PTPRN2: variants seen among roughly 807,000 people sequenced by gnomAD.
The protein encoded by PTPRN2 is receptor-type tyrosine-protein phosphatase N2.
In PTPRN2, 74 loss-of-function variants were observed where a neutral mutation model predicts 118.8. The observed-to-expected ratio is 0.62, with a 90% CI of 0.52 to 0.76. PTPRN2 has a LOEUF of 0.76. PTPRN2 is among the 30% of genes least tolerant of loss of function. The pLI is 0.00. For synonymous variants in PTPRN2, 641 were observed against 608.0 expected, an observed-to-expected ratio of 1.05 and a Z score of -0.80; for missense variants, 1,481 against 1,394.4, an observed-to-expected ratio of 1.06 and a Z score of -0.99.
At position 158,071,407 on chromosome 7, in the gene PTPRN2, A is replaced by AG. The variant is rs1187158161; in HGVS notation, c.1723+9890dup. Among the ~76,000 whole-genome samples the AG allele has an allele frequency of 7.0e-4, 31 of 44,308 alleles. 2 individuals are homozygous for AG. The highest frequency in any genetic ancestry group is 2.3e-3 in the South Asian group (3 of 1,282). The allele number at this position is 44,308 out of a possible 152,430, so 29.1% of individuals were successfully genotyped here. Reference sequence around the variant, plus strand: ...CTCGTGGTGGAGGTGCTCGTGGTGGAGTTGCTCCTGGTGGTGGAGGTGCTC... The same window carrying AG: ...CTCGTGGTGGAGGTGCTCGTGGTGGAGGTTGCTCCTGGTGGTGGAGGTGCTC... On this transcript the variant is annotated intron_variant, in intron 11 of 22. Coordinates refer to ENST00000389418, the MANE Select transcript of PTPRN2 (RefSeq NM_002847.5).
chr7:158,420,182 T>C (rs1210489966), intron 2 of PTPRN2, among the ~76,000 whole-genome samples: 1 of 152,052 alleles, frequency 6.6e-6, no homozygotes, highest in Non-Finnish European at 1.5e-5. Context: ...GCAGGACACA[T>C]TGTCTCACGG....
rs1430041963 is a variant in PTPRN2, at chr7:158,361,317, CACCCTCACCTGGGACGACTCACAAACCCT to C, written c.164-44414_164-44386del. Among the ~76,000 whole-genome samples, 677 of 80,472 alleles carry C rather than the reference CACCCTCACCTGGGACGACTCACAAACCCT, an allele frequency of 8.4e-3. 326 individuals carry two copies. The highest frequency in any genetic ancestry group is 0.018 in the African/African-American group (358 of 20,316). The allele number at this position is 80,472 out of a possible 152,430, so 52.8% of individuals were successfully genotyped here. A position where few individuals can be genotyped will look rare whatever the true frequency, so the allele number is the denominator to read the frequency against. On this transcript the variant is annotated intron_variant, in intron 2 of 22. Coordinates refer to ENST00000389418, the MANE Select transcript of PTPRN2 (RefSeq NM_002847.5). ...CCTGGCAACCCACAGACCCCGTGTC[CACCCTCACCTGGGACGACTCACAAACCCT>C]ACGTCCACCCTCCCCCAGGATGACC... is the stretch of plus-strand genomic sequence containing the variant.
At chr7:158,314,892 T>G (rs375005218) in intron 3 of PTPRN2, among the ~76,000 whole-genome samples, 523 of 78,190 alleles carry the variant, frequency 6.7e-3, no homozygotes, top group Middle Eastern at 0.043. Flanking sequence ...GGGACCCCCT[T>G]AAGGACAGAG....
At position 158,015,454 on chromosome 7, in the gene PTPRN2, TGA is replaced by T. The variant is rs147111668; in HGVS notation, c.1723+65842_1723+65843del. 3.2e-4 allele frequency among the ~76,000 whole-genome samples: 41 copies of T among 127,164 alleles called. No individual in the cohort carries two copies. Among genetic ancestry groups the T allele is most frequent in the Middle Eastern group, 3.9e-3 (1 of 258 alleles). 83.4% of individuals were successfully genotyped at this position (127,164 alleles called of 152,430 possible). A position where few individuals can be genotyped will look rare whatever the true frequency, so the allele number is the denominator to read the frequency against. On this transcript the variant is annotated intron_variant, in intron 11 of 22. Coordinates refer to ENST00000389418, the MANE Select transcript of PTPRN2 (RefSeq NM_002847.5). The surrounding 1 kb of genome is among the most constrained non-coding windows in gnomAD (Gnocchi z 4.2). ...AGGGAAAAAGTGAGAGGAGGGGTGG[TGA>T]GAGAGAGAGAGAGAGGAAGAGAGGG... is the stretch of plus-strand genomic sequence containing the variant.
intron 10 of PTPRN2, among the ~76,000 whole-genome samples, chr7:158,092,216 A>ATG (rs1281422219): frequency 6.6e-6 from 1 of 151,278 alleles, no homozygotes; most frequent in Non-Finnish European, 1.5e-5. Context: ...ATATATATAT[A>ATG]TACACACATA....
At chr7:158,142,524 G>A (rs938044437) in intron 6 of PTPRN2, among the ~76,000 whole-genome samples, 20 of 152,176 alleles carry the variant, frequency 1.3e-4, no homozygotes, top group African/African-American at 4.3e-4. Flanking sequence ...GTTTAAAACA[G>A]AAGAAGGGAA....
chr7:158,305,080 G>A (rs1020546649), intron 3 of PTPRN2, among the ~76,000 whole-genome samples: 26 of 152,286 alleles, frequency 1.7e-4, no homozygotes, highest in Admixed American at 5.9e-4. Context: ...CAATGTTAAC[G>A]CTGGTCAGCT....
chr7:158,121,807 T>C (rs1185601333), intron 9 of PTPRN2, among the ~76,000 whole-genome samples: 1 of 152,212 alleles, frequency 6.6e-6, no homozygotes, highest in African/African-American at 2.4e-5. Context: ...ACTCCCTTCC[T>C]TCCTCAGCCT....
chr7:157,658,464 T>A (rs751291542), intron 13 of PTPRN2, among the ~76,000 whole-genome samples: 14 of 152,198 alleles, frequency 9.2e-5, no homozygotes, highest in Non-Finnish European at 2.1e-4. Flanking sequence ...GAGGGATCAC[T>A]GCAGGGTCTT....
chr7:158,110,360 C>T (rs1445732114), intron 10 of PTPRN2, among the ~76,000 whole-genome samples: 4 of 152,212 alleles, frequency 2.6e-5, no homozygotes, highest in Admixed American at 6.5e-5. Context: ...AACCAGGTCA[C>T]GCTGAGACCA....
intron 12 of PTPRN2, among the ~76,000 whole-genome samples, chr7:157,885,567 TG>T (rs1796405831): frequency 6.6e-6 from 1 of 152,218 alleles, no homozygotes; most frequent in African/African-American, 2.4e-5. Context: ...GACACACCTC[TG>T]GGCTCTGCTC....
intron 11 of PTPRN2, among the ~76,000 whole-genome samples, chr7:157,960,438 A>C (rs1801451874): frequency 6.6e-6 from 1 of 152,222 alleles, no homozygotes; most frequent in Admixed American, 6.5e-5. Context: ...ACCTTTCTGA[A>C]AAAGGAGTTG....
At chr7:158,554,434 C>A (rs943511704) in intron 1 of PTPRN2, among the ~76,000 whole-genome samples, 1 of 152,218 alleles carries the variant, frequency 6.6e-6, no homozygotes, top group South Asian at 2.1e-4. Context: ...GTGAAAAGTG[C>A]GTAAGAATTT....
At chr7:158,328,793 TC>T (rs368096894) in intron 2 of PTPRN2, among the ~76,000 whole-genome samples, 56,984 of 133,660 alleles carry the variant, frequency 0.43, 11,719 homozygotes, top group African/African-American at 0.52. Flanking sequence ...GGGCCTCCAT[TC>T]CCCCCCCCCC....
chr7:157,947,824 T>G (rs1272357147), intron 11 of PTPRN2, among the ~76,000 whole-genome samples: 1 of 152,232 alleles, frequency 6.6e-6, no homozygotes, highest in Non-Finnish European at 1.5e-5. Context: ...GCAATTCATC[T>G]TGTACTTGAG....
At chr7:157,708,074 G>A (rs554770092) in intron 12 of PTPRN2, among the ~76,000 whole-genome samples, 1 of 152,266 alleles carries the variant, frequency 6.6e-6, no homozygotes, top group Non-Finnish European at 1.5e-5. Flanking sequence ...GGGGCCAGCC[G>A]CTGGCTGCTC....
intron 2 of PTPRN2, among the ~76,000 whole-genome samples, chr7:158,430,601 T>C (rs1362052418): frequency 6.6e-6 from 1 of 152,206 alleles, no homozygotes; most frequent in East Asian, 1.9e-4. Context: ...AGGGAACATT[T>C]GGTGGTGTCT....
At chr7:157,762,453 A>G (rs1165079248) in intron 12 of PTPRN2, among the ~76,000 whole-genome samples, 1 of 152,062 alleles carries the variant, frequency 6.6e-6, no homozygotes, top group African/African-American at 2.4e-5. Context: ...AGGGACATGG[A>G]TGAAATTGGA....
intron 1 of PTPRN2, among the ~76,000 whole-genome samples, chr7:158,557,875 T>C (rs1827149976): frequency 6.6e-6 from 1 of 152,204 alleles, no homozygotes; most frequent in Non-Finnish European, 1.5e-5. Flanking sequence ...CCTCGCCCTC[T>C]TCCCAGCATT....
Sources: allele counts gnomAD v4.1 joint callset (sites outside exome capture counted in the v4.1 genomes callset), GRCh38; gene constraint gnomAD v4.1.1; non-coding constraint Gnocchi (gnomAD v3.1); transcripts MANE v1.5; gene names NCBI Gene and HGNC (gene_info 2026-07-23, HGNC 2026-07-21).